The following TTC39C variants were observed in gnomAD, a reference collection of about 807,000 sequenced individuals.
TTC39C encodes tetratricopeptide repeat domain 39C.
In TTC39C, 33 loss-of-function variants were observed where a neutral mutation model predicts 76.3. That is an observed-to-expected ratio of 0.43 (90% CI 0.33 to 0.58). TTC39C has a LOEUF of 0.58. Among genes scored for constraint, TTC39C ranks in the 20% least tolerant of loss-of-function variants. The probability of loss-of-function intolerance (pLI) is 0.04; values close to 1 mark genes in which losing one functional copy is unlikely to be tolerated. For synonymous variants in TTC39C, 254 were observed against 260.6 expected (o/e 0.97, Z 0.24); for missense variants, 595 against 701.4 (o/e 0.85, Z 1.71).
At chr18:24,021,218 G>GC (rs987878906) in intron 1 of TTC39C, among the ~76,000 whole-genome samples, 3 of 152,276 alleles carry the variant, frequency 2.0e-5, no homozygotes, top group African/African-American at 7.2e-5. Context: ...CCTAGTGCTA[G>GC]CTCTACCCTG....
intron 1 of TTC39C, among the ~76,000 whole-genome samples, chr18:24,026,519 A>G (rs1401208426): frequency 6.6e-6 from 1 of 152,204 alleles, no homozygotes; most frequent in Non-Finnish European, 1.5e-5. Context: ...AGTATGTTAT[A>G]GGGCACCTTG....
At chr18:24,036,326 A>G (rs565035783) in intron 1 of TTC39C, among the ~76,000 whole-genome samples, 135 of 152,326 alleles carry the variant, frequency 8.9e-4, no homozygotes, top group African/African-American at 3.2e-3. Context: ...GTATTAGCTA[A>G]TATTAAGTCT....
At position 24,055,627 on chromosome 18, in the gene TTC39C, G is replaced by A. The variant is rs371310261; in HGVS notation, c.168-8513G>A. On this transcript the variant is annotated intron_variant, in intron 1 of 13. Coordinates refer to ENST00000317571, the MANE Select transcript of TTC39C (RefSeq NM_001135993.2). The stretch of plus-strand genomic sequence containing the variant: ...GAGTTGTAGGAGCTCTATGTATTCT[G>A]GATATTAACCCCTTATCAGATATAT... Among the ~76,000 whole-genome samples the A allele has an allele frequency of 7.2e-5, 11 of 152,196 alleles. 1 individual carries two copies. The highest frequency in any genetic ancestry group is 2.6e-4 in the African/African-American group (11 of 41,524).
At chr18:24,008,109 G>A (rs1473477765) in intron 1 of TTC39C, among the ~76,000 whole-genome samples, 1 of 152,114 alleles carries the variant, frequency 6.6e-6, no homozygotes, top group Admixed American at 6.6e-5. Context: ...CATAACCCAC[G>A]ATTTAGACTC....
chr18:24,030,815 C>T (rs1026036733), intron 1 of TTC39C, among the ~76,000 whole-genome samples: 1 of 151,998 alleles, frequency 6.6e-6, no homozygotes, highest in Non-Finnish European at 1.5e-5. Context: ...CCACTACGCC[C>T]GGCTAATTTT....
chr18:24,125,167 C>T (rs1444998038), intron 9 of TTC39C, among the ~76,000 whole-genome samples: 1 of 152,224 alleles, frequency 6.6e-6, no homozygotes, highest in Non-Finnish European at 1.5e-5. Flanking sequence ...GCTGGGATTA[C>T]AGGCGTGAGC....
rs2145834255 is a variant in TTC39C, at chr18:24,131,604, G to A, written c.1624-278G>A. On this transcript the variant is annotated intron_variant, in intron 12 of 13. Coordinates refer to ENST00000317571, the MANE Select transcript of TTC39C (RefSeq NM_001135993.2). ...GCCTGTAATCCCAGCTACTCAGGAG[G>A]CTAAGGCAGGAGAATTGCTTGAACA... is the stretch of plus-strand genomic sequence containing the variant. Among the ~76,000 whole-genome samples the A allele has an allele frequency of 2.0e-5, 3 of 151,736 alleles. No homozygotes were observed. In the South Asian group the frequency reaches 6.3e-4, roughly 32 times the overall value.
chr18:24,047,879 A>T (rs993499587), intron 1 of TTC39C, among the ~76,000 whole-genome samples: 4 of 152,220 alleles, frequency 2.6e-5, no homozygotes, highest in Admixed American at 1.3e-4. Flanking sequence ...AGTATTACAC[A>T]TTGTATGCCT....
chr18:24,060,136 A>C lies in TTC39C; in HGVS notation c.168-4004A>C, dbSNP rs112949550. ...TAGTATTTCTGCCTCTAGGTCTTTG[A>C]GGAATTGCCACACTGTCTTCCACAA... On this transcript the variant is annotated intron_variant, in intron 1 of 13. Transcript: ENST00000317571. Among the ~76,000 whole-genome samples the C allele has an allele frequency of 2.0e-5, 3 of 152,136 alleles. No homozygotes were observed. The South Asian group carries it at 6.2e-4, about 32-fold the overall frequency.
At chr18:24,028,603 C>T (rs181024294) in intron 1 of TTC39C, among the ~76,000 whole-genome samples, 79 of 152,286 alleles carry the variant, frequency 5.2e-4, no homozygotes, top group African/African-American at 1.8e-3. Context: ...CTATGACATT[C>T]AGAGTTGTTT....
chr18:24,101,923 C>T (rs550921148), intron 6 of TTC39C, among the ~76,000 whole-genome samples: 1 of 152,310 alleles, frequency 6.6e-6, no homozygotes, highest in Non-Finnish European at 1.5e-5. Context: ...CATACATTTT[C>T]CCCATCATTT....
intron 1 of TTC39C, among the ~76,000 whole-genome samples, chr18:23,997,263 TAAAA>T (rs1482913083): frequency 6.7e-6 from 1 of 150,170 alleles, no homozygotes; most frequent in Non-Finnish European, 1.5e-5. Flanking sequence ...AAAAGAAAAA[TAAAA>T]AGGCCAGGTG....
upstream of TTC39C, among the ~76,000 whole-genome samples, chr18:24,013,904 CAAG>C (rs972892265): frequency 7.9e-5 from 12 of 152,344 alleles, no homozygotes; most frequent in Admixed American, 6.5e-4. Context: ...CAAAGCTTTG[CAAG>C]AATAATTGGC....
chr18:24,112,729 A>G (rs1464378183), intron 6 of TTC39C, among the ~76,000 whole-genome samples: 1 of 152,168 alleles, frequency 6.6e-6, no homozygotes, highest in Non-Finnish European at 1.5e-5. Context: ...CCATCTAGAA[A>G]CATTCTGTAT....
At chr18:24,129,852 G>C (rs925518700) in intron 11 of TTC39C, among the ~76,000 whole-genome samples, 14 of 151,136 alleles carry the variant, frequency 9.3e-5, no homozygotes, top group African/African-American at 3.4e-4. Flanking sequence ...TAATGTCCTT[G>C]TAAGTTTAAT....
intron 4 of TTC39C, among the ~76,000 whole-genome samples, chr18:24,075,712 A>G (rs2084299674): frequency 6.6e-6 from 1 of 151,812 alleles, no homozygotes; most frequent in Admixed American, 6.6e-5. Context: ...AACAAAAAAA[A>G]AACCTCTATT....
intron 4 of TTC39C, among the ~76,000 whole-genome samples, chr18:24,075,070 T>A (rs996853119): frequency 6.6e-6 from 1 of 151,868 alleles, no homozygotes; most frequent in African/African-American, 2.4e-5. Flanking sequence ...TAAACACGCA[T>A]GTTCTCACTT....
chr18:24,071,997 T>C (rs1320745936), intron 4 of TTC39C, among the ~76,000 whole-genome samples: 1 of 152,252 alleles, frequency 6.6e-6, no homozygotes, highest in East Asian at 1.9e-4. Context: ...AATAGCTCAG[T>C]ATTTGTTTCA....
intron 6 of TTC39C, among the ~76,000 whole-genome samples, chr18:24,090,379 A>G (rs1395309918): frequency 6.6e-6 from 1 of 152,100 alleles, no homozygotes; most frequent in Non-Finnish European, 1.5e-5. Flanking sequence ...CATGGTATCT[A>G]CTCTACCCCA....
Sources: gnomAD v4.1 joint callset for allele counts (sites outside exome capture counted in the v4.1 genomes callset) on GRCh38, gnomAD v4.1.1 for gene constraint, MANE v1.5 for transcripts, NCBI Gene and HGNC (gene_info 2026-07-23, HGNC 2026-07-21) for gene names.